MCU: variants seen among roughly 807,000 people sequenced by gnomAD.
The protein encoded by MCU is mitochondrial calcium uniporter.
A neutral mutation model predicts 45.2 loss-of-function variants in MCU; 12 were observed. The observed-to-expected ratio is 0.27, with a 90% CI of 0.17 to 0.43. The LOEUF (loss-of-function observed/expected upper bound fraction) is 0.43. Ranked by LOEUF, MCU falls within the 20% of genes least tolerant of loss-of-function variation. The pLI, the probability that MCU is intolerant of heterozygous loss-of-function variation, is 1.00. For synonymous variants in MCU, 160 were observed against 165.1 expected (o/e 0.97, Z 0.24); for missense variants, 324 against 436.7 (o/e 0.74, Z 2.30).
intron 1 of MCU, among the ~76,000 whole-genome samples, chr10:72,814,075 G>A (rs113073232): frequency 6.6e-6 from 1 of 152,144 alleles, no homozygotes; most frequent in Non-Finnish European, 1.5e-5. Flanking sequence ...CAAGTGGCAG[G>A]GGATGGAAAA....
chr10:72,871,496 C>G lies in MCU; in HGVS notation c.777C>G (p.Ser259=), dbSNP rs1429873366. 6.2e-7 allele frequency: 1 copy of G among 1,614,190 alleles called. No homozygotes were observed. The highest frequency in any genetic ancestry group is 8.5e-7 in the Non-Finnish European group (1 of 1,180,024). Residue 259 remains serine (S), a synonymous_variant, in exon 6 of 8, where the codon TCC becomes TCG. Coordinates refer to ENST00000373053, the MANE Select transcript of MCU (RefSeq NM_138357.3). Reference sequence around the variant, plus strand: ...CCCGGCTTACCTGGTGGGAATATTCCTGGGACATCATGGAGCCAGTAACAT... The same window carrying G: ...CCCGGCTTACCTGGTGGGAATATTCGTGGGACATCATGGAGCCAGTAACAT... ...ILARLTWWEY[S]WDIMEPVTYF... is the part of the protein sequence containing the mutation.
chr10:72,695,945 G>A (rs1019387847), intron 1 of MCU, among the ~76,000 whole-genome samples: 7 of 151,200 alleles, frequency 4.6e-5, no homozygotes, highest in African/African-American at 1.5e-4. Flanking sequence ...GGGCAGATCA[G>A]GGGGTCAGGA....
At chr10:72,749,225 CAG>C (rs1164790364) in intron 1 of MCU, among the ~76,000 whole-genome samples, 3 of 152,048 alleles carry the variant, frequency 2.0e-5, no homozygotes, top group African/African-American at 7.2e-5. Context: ...GACAAGGCTA[CAG>C]TGAGCCGTAA....
At chr10:72,692,445 G>C in intron 1 of MCU, 144 bp downstream of exon 1, 4 of 863,896 alleles carry the variant, frequency 4.6e-6, no homozygotes, top group Non-Finnish European at 5.8e-6. Context: ...AGGAGCCGCC[G>C]TGCCCTTCAG....
rs187835602 is a variant in MCU, at chr10:72,747,705, C to T, written c.150+55404C>T. 2.9e-3 allele frequency among the ~76,000 whole-genome samples: 438 copies of T among 152,066 alleles called. 12 individuals carry two copies. Among genetic ancestry groups the T allele is most frequent in the Non-Finnish European group, 4.1e-4 (28 of 67,980 alleles). ...AAAATAAAAAAGCTAGATGTGGTGA[C>T]GTACGCCTGTGGTCCCAGCTATTCT... is the stretch of plus-strand genomic sequence containing the variant. On this transcript the variant is annotated intron_variant, in intron 1 of 7. Coordinates refer to ENST00000373053, the MANE Select transcript of MCU (RefSeq NM_138357.3).
intron 1 of MCU, among the ~76,000 whole-genome samples, chr10:72,734,087 A>G (rs1843218316): frequency 2.0e-5 from 3 of 152,112 alleles, no homozygotes; most frequent in Admixed American, 6.5e-5. Context: ...GAATACTACA[A>G]AAGAAATTCC....
intron 1 of MCU, among the ~76,000 whole-genome samples, chr10:72,727,593 C>G (rs536089439): frequency 1.3e-5 from 2 of 152,286 alleles, no homozygotes; most frequent in South Asian, 2.1e-4. Context: ...TCCTTTTTCA[C>G]TCTTAACTCC....
At position 72,876,449 on chromosome 10, in the gene MCU, A is replaced by C. The variant is rs575803313; in HGVS notation, c.861+4869A>C. Among the ~76,000 whole-genome samples the C allele has an allele frequency of 2.0e-5, 3 of 152,242 alleles. No homozygotes were observed. The South Asian group carries it at 6.2e-4, about 32-fold the overall frequency. ...TACAGTATGTACTCTATAAACTCCT[A>C]ATATTGGACTAATCTAGACCTTTAT... On this transcript the variant is annotated intron_variant, in intron 6 of 7. Transcript: ENST00000373053.
intron 2 of MCU, among the ~76,000 whole-genome samples, chr10:72,835,279 A>G (rs1844940494): frequency 6.6e-6 from 1 of 152,208 alleles, no homozygotes; most frequent in African/African-American, 2.4e-5. Flanking sequence ...TTTTTATGGT[A>G]GTGGAGGGAG....
At chr10:72,829,090 G>A (rs1013283578) in intron 1 of MCU, among the ~76,000 whole-genome samples, 1 of 152,176 alleles carries the variant, frequency 6.6e-6, no homozygotes, top group Non-Finnish European at 1.5e-5. Context: ...GGAGGCCAGG[G>A]TGTGCAGATC....
intron 2 of MCU, among the ~76,000 whole-genome samples, chr10:72,837,864 T>G (rs1462983934): frequency 1.3e-5 from 2 of 148,952 alleles, no homozygotes; most frequent in Non-Finnish European, 3.0e-5. Flanking sequence ...TGGTTTTTTT[T>G]TTTTTTTTTT....
intron 1 of MCU, among the ~76,000 whole-genome samples, chr10:72,771,212 C>T (rs1843802778): frequency 6.6e-6 from 1 of 152,060 alleles, no homozygotes; most frequent in Non-Finnish European, 1.5e-5. Flanking sequence ...CCCCTAATCC[C>T]TGACAGGCCC....
intron 3 of MCU, 102 bp downstream of exon 3, chr10:72,859,449 A>G (rs1466989683): frequency 7.0e-6 from 8 of 1,140,802 alleles, no homozygotes; most frequent in African/African-American, 1.6e-5. Flanking sequence ...AAAGAACCCT[A>G]TACTGTTAAC....
intron 1 of MCU, among the ~76,000 whole-genome samples, chr10:72,780,262 G>T (rs1293638656): frequency 1.3e-5 from 2 of 152,154 alleles, no homozygotes; most frequent in Non-Finnish European, 2.9e-5. Context: ...GGCCTGGGTA[G>T]AGGATAATGG....
chr10:72,853,999 T>A (rs1207963961), intron 2 of MCU, among the ~76,000 whole-genome samples: 1 of 152,122 alleles, frequency 6.6e-6, no homozygotes, highest in Non-Finnish European at 1.5e-5. Context: ...CTAAGTGTGG[T>A]GGTGTGTACC....
chr10:72,718,784 A>G lies in MCU; in HGVS notation c.150+26483A>G, dbSNP rs1353123686. ...ATATAATTTGTGACATAACCACATA[A>G]TGAGTATTGAACAGTGATCAGAATG... is the stretch of plus-strand genomic sequence containing the variant. On this transcript the variant is annotated intron_variant, in intron 1 of 7. Coordinates refer to ENST00000373053, the MANE Select transcript of MCU (RefSeq NM_138357.3). Among the ~76,000 whole-genome samples the G allele has an allele frequency of 6.6e-5, 10 of 152,224 alleles. No homozygotes were observed. The East Asian group carries it at 1.9e-3, about 29-fold the overall frequency.
At chr10:72,701,864 A>G (rs2132649716) in intron 1 of MCU, among the ~76,000 whole-genome samples, 1 of 149,412 alleles carries the variant, frequency 6.7e-6, no homozygotes, top group African/African-American at 2.5e-5. Flanking sequence ...TTCTTTCCTC[A>G]CCCTCCCCTC....
At chr10:72,847,090 G>A (rs1845134415) in intron 2 of MCU, among the ~76,000 whole-genome samples, 1 of 152,132 alleles carries the variant, frequency 6.6e-6, no homozygotes, top group African/African-American at 2.4e-5. Flanking sequence ...TTCTGCCTCA[G>A]CCTCCCAAGT....
chr10:72,818,947 C>G (rs1440329634), intron 1 of MCU, among the ~76,000 whole-genome samples: 4 of 152,016 alleles, frequency 2.6e-5, no homozygotes, highest in Non-Finnish European at 5.9e-5. Context: ...TCTTAATGCT[C>G]TTAATCCTCC....
Sources: allele counts gnomAD v4.1 joint callset (sites outside exome capture counted in the v4.1 genomes callset), GRCh38; gene constraint gnomAD v4.1.1; transcripts MANE v1.5; gene names NCBI Gene and HGNC (gene_info 2026-07-23, HGNC 2026-07-21).